The following STON1 variants were observed in gnomAD, a reference collection of about 807,000 sequenced individuals.
STON1 encodes stonin 1.
A neutral mutation model predicts 60.9 loss-of-function variants in STON1; 79 were observed. That is an observed-to-expected ratio of 1.30 (90% confidence interval 1.08 to 1.56). STON1 has a LOEUF of 1.56. Ranked by LOEUF, STON1 falls within the 40% of genes most tolerant of loss-of-function variation. The pLI is 0.00. For missense variants in STON1, 1,166 were observed against 858.9 expected (o/e 1.36, Z -4.47); for synonymous variants, 363 against 306.9 (o/e 1.18, Z -1.91).
At position 48,580,913 on chromosome 2, in the gene STON1, A is replaced by G. The variant is rs781196713; in HGVS notation, c.280A>G (p.Ile94Val). 1.3e-6 allele frequency: 2 copies of G among 1,599,306 alleles called. 1 individual carries two copies. Among genetic ancestry groups the G allele is most frequent in the South Asian group, 2.3e-5 (2 of 87,724 alleles). The change falls in exon 2 of 4, where the codon ATC becomes GTC. Residue 94 changes from isoleucine to valine, a missense_variant. Ile to Val is a conservative substitution (Grantham distance 29). Transcript: ENST00000404752. ...CAAAGACTTCCCAGGTTTTCCTGGC[A>G]TCCCCAAAGCAGGGACTCATGTGCT... ...PTKDFPGFPG[I>V]PKAGTHVLYP...
At chr2:48,554,671 C>G (rs1396161320) in intron 1 of STON1, among the ~76,000 whole-genome samples, 4 of 151,932 alleles carry the variant, frequency 2.6e-5, no homozygotes, top group Non-Finnish European at 4.4e-5. Flanking sequence ...TCATTGGCTC[C>G]CACGTATGCG....
chr2:48,565,485 A>G (rs1288736444), intron 1 of STON1, among the ~76,000 whole-genome samples: 1 of 152,204 alleles, frequency 6.6e-6, no homozygotes, highest in Non-Finnish European at 1.5e-5. Context: ...TTGTGGGGAC[A>G]CAAACATTAA....
At position 48,580,707 on chromosome 2, in the gene STON1, A is replaced by T. The variant is rs766233548; in HGVS notation, c.74A>T (p.Lys25Met). Reference protein sequence around the residue: ...DPAVQSSQKSKNFPLENQGVC... With the variant: ...DPAVQSSQKSMNFPLENQGVC... ...GCTGTTCAATCTTCTCAAAAGTCAA[A>T]GAATTTTCCTCTGGAGAATCAAGGT... Residue 25 changes from lysine (K) to methionine (M), a missense_variant, in exon 2 of 4, where the codon AAG (lysine) becomes ATG (methionine). Transcript: ENST00000404752. The T allele has an allele frequency of 1.3e-5, 19 of 1,469,570 alleles. No individual in the cohort carries two copies. In the Middle Eastern group the frequency reaches 7.3e-4, roughly 56 times the overall value. The allele number at this position is 1,469,570 out of a possible 1,614,324, so 91.0% of individuals were successfully genotyped here. A position where few individuals can be genotyped will look rare whatever the true frequency, so the allele number is the denominator to read the frequency against.
intron 1 of STON1, among the ~76,000 whole-genome samples, chr2:48,557,383 C>A (rs56167037): frequency 9.5e-6 from 1 of 105,074 alleles, no homozygotes; most frequent in African/African-American, 3.3e-5. Flanking sequence ...GATGGGCGGC[C>A]GAGCAGAGAG....
chr2:48,578,143 T>G (rs1396488096), intron 1 of STON1, among the ~76,000 whole-genome samples: 1 of 151,934 alleles, frequency 6.6e-6, no homozygotes, highest in Non-Finnish European at 1.5e-5. Flanking sequence ...CCTGGCTAAT[T>G]TTTTTGTATT....
In STON1 at chr2:48,595,404, C is replaced by T. The variant is rs1342480626; in HGVS notation, c.*102C>T. On this transcript the variant is annotated 3_prime_UTR_variant, in exon 4 of 4. Coordinates refer to ENST00000404752, the MANE Select transcript of STON1 (RefSeq NM_006873.4). Reference sequence around the variant, plus strand: ...TAGAGTGGAAATGACTTCTGAATAGCGGTTTTAGGACAGGTCTGATGGCTG... The same window carrying T: ...TAGAGTGGAAATGACTTCTGAATAGTGGTTTTAGGACAGGTCTGATGGCTG... 21 of 995,448 alleles carry T rather than the reference C, an allele frequency of 2.1e-5. No individual in the cohort carries two copies. The highest frequency in any genetic ancestry group is 1.2e-4 in the South Asian group (8 of 68,824). 61.7% of individuals were successfully genotyped at this position (995,448 alleles called of 1,614,324 possible).
intron 1 of STON1, among the ~76,000 whole-genome samples, chr2:48,562,207 G>A (rs1486811759): frequency 2.0e-5 from 3 of 152,158 alleles, no homozygotes; most frequent in Non-Finnish European, 4.4e-5. Context: ...TTTGACATCT[G>A]CAGGTGCTGT....
chr2:48,533,772 T>G (rs1300724373), intron 1 of STON1, among the ~76,000 whole-genome samples: 1 of 149,618 alleles, frequency 6.7e-6, no homozygotes, highest in African/African-American at 2.5e-5. Flanking sequence ...CAGGACTTTT[T>G]TTTTTTTTTT....
chr2:48,552,908 G>T (rs913958898), intron 1 of STON1, among the ~76,000 whole-genome samples: 2 of 152,198 alleles, frequency 1.3e-5, no homozygotes, highest in Non-Finnish European at 2.9e-5. Flanking sequence ...CTGGTTCTAT[G>T]GGTTGACTGG....
intron 1 of STON1, among the ~76,000 whole-genome samples, chr2:48,570,423 C>T (rs541208015): frequency 5.7e-4 from 87 of 152,134 alleles, no homozygotes; most frequent in African/African-American, 1.9e-3. Flanking sequence ...AACCTTTGTT[C>T]GTGTTTTGTG....
At chr2:48,532,600 C>A (rs1399924310) in intron 1 of STON1, among the ~76,000 whole-genome samples, 1 of 152,142 alleles carries the variant, frequency 6.6e-6, no homozygotes, top group Non-Finnish European at 1.5e-5. Flanking sequence ...CAACCTTATA[C>A]TGTTTACAGA....
chr2:48,590,818 T>C (rs1313638147), intron 2 of STON1, among the ~76,000 whole-genome samples: 1 of 152,208 alleles, frequency 6.6e-6, no homozygotes. Context: ...ATTTCTACTC[T>C]GTATAGCTGT....
chr2:48,540,012 T>G (rs1048143133), intron 1 of STON1, among the ~76,000 whole-genome samples: 42 of 152,158 alleles, frequency 2.8e-4, no homozygotes, highest in African/African-American at 9.9e-4. Flanking sequence ...ACTGCATGTA[T>G]GGTCATTAAA....
chr2:48,592,767 T>C (rs1312214209), intron 3 of STON1, among the ~76,000 whole-genome samples: 1 of 151,994 alleles, frequency 6.6e-6, no homozygotes, highest in Non-Finnish European at 1.5e-5. Flanking sequence ...AGCCTATTGG[T>C]AGCTTAAAGT....
intron 1 of STON1, chr2:48,568,974 C>T (rs1673066390): frequency 6.6e-6 from 1 of 152,428 alleles, no homozygotes; most frequent in African/African-American, 2.4e-5. Flanking sequence ...AAGGCAGGAC[C>T]CCTGACACCA....
rs548600037 is a variant in STON1 at position 48,581,482 on chromosome 2, T to C, written c.849T>C (p.Pro283=). The change falls in exon 2 of 4, where the codon CCT becomes CCC. Residue 283 remains proline, a synonymous_variant. Coordinates refer to ENST00000404752, the MANE Select transcript of STON1 (RefSeq NM_006873.4). ...GATGGTCTTTCATGCTGAGAATTCC[T>C]GAGAAGAAGAATATGATGTCTTCCC... The part of the protein sequence containing the change: ...KSGWSFMLRI[P]EKKNMMSSRQ... The C allele has an allele frequency of 1.2e-6, 2 of 1,614,262 alleles. No homozygotes were observed. The highest frequency in any genetic ancestry group is 1.3e-5 in the African/African-American group (1 of 75,072).
chr2:48,582,414 A>G lies in STON1; in HGVS notation c.1781A>G (p.Lys594Arg). The change falls in exon 2 of 4, where the codon AAA becomes AGA. Residue 594 changes from lysine (K) to arginine (R), a missense_variant. By Grantham distance (26) the Lys-to-Arg change is conservative. Transcript: ENST00000404752. ...AACCTCCAGAGGCAGAAGTCTCTGAAAGCTAAAATGAACCGCCGAGCATGT... is the reference window on the plus strand; with the variant it reads ...AACCTCCAGAGGCAGAAGTCTCTGAGAGCTAAAATGAACCGCCGAGCATGT... ...TMNLQRQKSL[K>R]AKMNRRACLG... The G allele has an allele frequency of 6.2e-7, 1 of 1,614,196 alleles. No individual in the cohort carries two copies. The highest frequency in any genetic ancestry group is 8.5e-7 in the Non-Finnish European group (1 of 1,180,042).
intron 1 of STON1, among the ~76,000 whole-genome samples, chr2:48,543,506 CT>C (rs1183403297): frequency 7.0e-6 from 1 of 143,704 alleles, no homozygotes; most frequent in Admixed American, 6.9e-5. Context: ...GATAAAAACT[CT>C]TTATTTCATT....
intron 1 of STON1, among the ~76,000 whole-genome samples, chr2:48,551,649 C>T (rs1672110599): frequency 6.6e-6 from 1 of 152,244 alleles, no homozygotes; most frequent in Non-Finnish European, 1.5e-5. Flanking sequence ...CTTTCCCAGC[C>T]AGAAGCAGTT....
Sources: gnomAD v4.1 joint callset for allele counts (sites outside exome capture counted in the v4.1 genomes callset) on GRCh38, gnomAD v4.1.1 for gene constraint, MANE v1.5 for transcripts, NCBI Gene and HGNC (gene_info 2026-07-23, HGNC 2026-07-21) for gene names.